PAK2: variants seen among roughly 807,000 people sequenced by gnomAD.
PAK2 encodes p21 (RAC1) activated kinase 2.
In PAK2, 21 loss-of-function variants were observed where a neutral mutation model predicts 65.9. The ratio of observed to expected loss-of-function variants is 0.32; its 90% CI spans 0.23 to 0.46. The LOEUF is 0.46. Ranked by LOEUF, PAK2 falls within the 20% of genes least tolerant of loss-of-function variation. The probability of loss-of-function intolerance (pLI) is 1.00; values close to 1 mark genes in which losing one functional copy is unlikely to be tolerated. For missense variants in PAK2, 324 were observed against 642.6 expected, an observed-to-expected ratio of 0.50 and a Z score of 5.36; for synonymous variants, 204 against 219.7, an observed-to-expected ratio of 0.93 and a Z score of 0.63.
At chr3:196,743,783 G>A (rs928246625) in intron 1 of PAK2, among the ~76,000 whole-genome samples, 10 of 152,268 alleles carry the variant, frequency 6.6e-5, no homozygotes, top group African/African-American at 2.4e-4. Flanking sequence ...TCAGGAGGCT[G>A]AGGCAGGAGA....
At chr3:196,803,481 C>G (rs886278377) in intron 4 of PAK2, among the ~76,000 whole-genome samples, 6 of 152,002 alleles carry the variant, frequency 3.9e-5, no homozygotes, top group Non-Finnish European at 8.8e-5. Flanking sequence ...AAATGACTTC[C>G]AGCAATCAAA....
chr3:196,762,123 C>A lies in PAK2; in HGVS notation c.-21-20503C>A, dbSNP rs868660272. On this transcript the variant is annotated intron_variant, in intron 1 of 14. Transcript: ENST00000327134. Reference sequence around the variant, plus strand: ...GGGGCGGCGGGGCAGAGGCGTCCCCCACATCTCAGACGATGGGCGCCCGGG... The same window carrying A: ...GGGGCGGCGGGGCAGAGGCGTCCCCAACATCTCAGACGATGGGCGCCCGGG... 2.3e-5 allele frequency among the ~76,000 whole-genome samples: 3 copies of A among 128,856 alleles called. 1 individual carries two copies. In the South Asian group the frequency reaches 7.5e-4, roughly 32 times the overall value. 84.5% of individuals were successfully genotyped at this position (128,856 alleles called of 152,430 possible).
At chr3:196,796,519 T>G (rs1249499385) in intron 2 of PAK2, among the ~76,000 whole-genome samples, 1 of 152,196 alleles carries the variant, frequency 6.6e-6, no homozygotes, top group Non-Finnish European at 1.5e-5. Context: ...GTGATTATGA[T>G]TGCACAACTC....
rs540766858 is a variant in PAK2, at chr3:196,819,179, C to T, written c.1153+1023C>T. Among the ~76,000 whole-genome samples the T allele has an allele frequency of 1.2e-3, 182 of 152,284 alleles. No individual in the cohort carries two copies. In the South Asian group the frequency reaches 0.018, roughly 15 times the overall value. ...GAGGGAGGCCGGGTGCAGTGGCTCA[C>T]GCCTGTAATCCCAGCACTTTGGGAG... On this transcript the variant is annotated intron_variant, in intron 12 of 14. Coordinates refer to ENST00000327134, the MANE Select transcript of PAK2 (RefSeq NM_002577.4).
intron 1 of PAK2, among the ~76,000 whole-genome samples, chr3:196,769,488 T>C (rs1212541495): frequency 6.6e-6 from 1 of 151,858 alleles, no homozygotes; most frequent in East Asian, 1.9e-4. Context: ...ACCATCCTTT[T>C]CCAGAGCATT....
intron 1 of PAK2, among the ~76,000 whole-genome samples, chr3:196,766,229 C>T (rs961736831): frequency 8.6e-5 from 13 of 151,974 alleles, no homozygotes; most frequent in African/African-American, 2.7e-4. Flanking sequence ...ATTTTCTTCT[C>T]AAAACTTAGT....
At chr3:196,793,053 G>A (rs1715125583) in intron 2 of PAK2, among the ~76,000 whole-genome samples, 1 of 152,068 alleles carries the variant, frequency 6.6e-6, no homozygotes, top group African/African-American at 2.4e-5. Context: ...CGGAGTGGGG[G>A]TAGGATGCAC....
intron 11 of PAK2, among the ~76,000 whole-genome samples, chr3:196,815,860 A>G (rs1716011177): frequency 6.6e-6 from 1 of 151,932 alleles, no homozygotes; most frequent in Non-Finnish European, 1.5e-5. Context: ...CAGGACACTT[A>G]TTTGCCTTCA....
rs547044879 is a variant in PAK2, at chr3:196,797,061, A to C, written c.188-4866A>C. Among the ~76,000 whole-genome samples the C allele has an allele frequency of 1.7e-4, 24 of 138,762 alleles. No homozygotes were observed. The East Asian group carries it at 4.4e-3, about 26-fold the overall frequency. The allele number at this position is 138,762 out of a possible 152,430, so 91.0% of individuals were successfully genotyped here. On this transcript the variant is annotated intron_variant, in intron 2 of 14. Coordinates refer to ENST00000327134, the MANE Select transcript of PAK2 (RefSeq NM_002577.4). ...AATCGCTAAGGATATAAAAAATTTG[A>C]ACGTAACTATCAGCCAACTTGACCT...
intron 1 of PAK2, among the ~76,000 whole-genome samples, chr3:196,757,413 TTC>T (rs1459509909): frequency 2.0e-5 from 3 of 152,270 alleles, no homozygotes; most frequent in African/African-American, 7.2e-5. Flanking sequence ...TACAAAGAGT[TTC>T]TGTTATTTTT....
At chr3:196,807,362 G>A (rs373824684) in intron 6 of PAK2, among the ~76,000 whole-genome samples, 12 of 152,196 alleles carry the variant, frequency 7.9e-5, no homozygotes, top group Non-Finnish European at 1.6e-4. Flanking sequence ...TGAAATGGGT[G>A]GTAGGCATTA....
intron 6 of PAK2, 86 bp downstream of exon 6, chr3:196,806,772 C>A: frequency 1.2e-6 from 1 of 813,432 alleles, no homozygotes; most frequent in South Asian, 1.5e-5. Context: ...TCAGTGATTG[C>A]TTTTAAAAAG....
At chr3:196,743,703 A>T (rs1434498263) in intron 1 of PAK2, among the ~76,000 whole-genome samples, 1 of 151,996 alleles carries the variant, frequency 6.6e-6, no homozygotes, top group Admixed American at 6.6e-5. Context: ...TTAGTAGAGA[A>T]TTTAGTATTC....
chr3:196,815,976 C>G, intron 11 of PAK2, among the ~76,000 whole-genome samples: 1 of 152,088 alleles, frequency 6.6e-6, no homozygotes, highest in Non-Finnish European at 1.5e-5. Context: ...TTAGCTTAAA[C>G]CAGTAGAATT....
intron 1 of PAK2, among the ~76,000 whole-genome samples, chr3:196,763,762 C>A (rs957722191): frequency 1.4e-5 from 2 of 147,596 alleles, no homozygotes; most frequent in African/African-American, 5.4e-5. Flanking sequence ...AAAGGAAAGG[C>A]ACTCAGATCA....
intron 2 of PAK2, among the ~76,000 whole-genome samples, chr3:196,799,355 T>A (rs9826151): frequency 0.015 from 2,350 of 152,328 alleles, 65 homozygotes; most frequent in African/African-American, 0.053. Context: ...TCTGCACTGA[T>A]AACTACTGCT....
At chr3:196,746,573 A>T (rs1188442281) in intron 1 of PAK2, among the ~76,000 whole-genome samples, 4 of 152,144 alleles carry the variant, frequency 2.6e-5, no homozygotes, top group African/African-American at 9.7e-5. Flanking sequence ...GCACTTTGGG[A>T]GGCCGAGGCA....
intron 1 of PAK2, among the ~76,000 whole-genome samples, chr3:196,753,067 C>T (rs1237541870): frequency 1.3e-5 from 2 of 151,540 alleles, no homozygotes; most frequent in African/African-American, 4.9e-5. Context: ...CAACTTCCGC[C>T]TCCCGAGTTC....
chr3:196,772,235 G>A (rs1253904518), intron 1 of PAK2, among the ~76,000 whole-genome samples: 4 of 152,132 alleles, frequency 2.6e-5, no homozygotes, highest in African/African-American at 7.2e-5. Flanking sequence ...TGGGAGGGAC[G>A]CCTGTTAATT....
Sources: gnomAD v4.1 joint callset for allele counts (sites outside exome capture counted in the v4.1 genomes callset) on GRCh38, gnomAD v4.1.1 for gene constraint, MANE v1.5 for transcripts, NCBI Gene and HGNC (gene_info 2026-07-23, HGNC 2026-07-21) for gene names.